MTHFD1L: variants seen among roughly 807,000 people sequenced by gnomAD.
MTHFD1L encodes methylenetetrahydrofolate dehydrogenase (NADP+ dependent) 1 like, also known as monofunctional C1-tetrahydrofolate synthase, mitochondrial.
A neutral mutation model predicts 119.5 loss-of-function variants in MTHFD1L; 81 were observed. That is an observed-to-expected ratio of 0.68 (90% CI 0.57 to 0.82). MTHFD1L has a LOEUF of 0.82. Ranked by LOEUF, MTHFD1L falls within the 40% of genes least tolerant of loss-of-function variation. The pLI, the probability that MTHFD1L is intolerant of heterozygous loss-of-function variation, is 0.00. For missense variants in MTHFD1L, 1,125 were observed against 1,253.4 expected (o/e 0.90, Z 1.55); for synonymous variants, 430 against 475.2 (o/e 0.90, Z 1.24).
chr6:150,991,229 G>T (rs115147397), intron 20 of MTHFD1L, among the ~76,000 whole-genome samples: 1,727 of 151,664 alleles, frequency 0.011, 31 homozygotes, highest in African/African-American at 0.04. Context: ...ACTTTTTAGT[G>T]TGCAAATTAA....
At chr6:150,890,491 A>T (rs897306666) in intron 7 of MTHFD1L, among the ~76,000 whole-genome samples, 1 of 152,096 alleles carries the variant, frequency 6.6e-6, no homozygotes, top group Non-Finnish European at 1.5e-5. Flanking sequence ...TTGAGAGGAC[A>T]GTATCCCTCC....
chr6:150,872,783 A>C (rs1165386555), intron 1 of MTHFD1L, among the ~76,000 whole-genome samples: 1 of 151,518 alleles, frequency 6.6e-6, no homozygotes, highest in Non-Finnish European at 1.5e-5. Context: ...ACAAAAAATG[A>C]TGTATGCCTG....
chr6:150,879,052 A>G (rs1409933573), intron 4 of MTHFD1L, among the ~76,000 whole-genome samples: 1 of 152,176 alleles, frequency 6.6e-6, no homozygotes, highest in Admixed American at 6.5e-5. Context: ...TGGGAAGTGT[A>G]GTTTTTATAC....
intron 17 of MTHFD1L, chr6:150,959,169 C>A: frequency 1.0e-6 from 1 of 983,256 alleles, no homozygotes; most frequent in African/African-American, 1.7e-5. Flanking sequence ...AATATTTTTT[C>A]ACTAAATCAG....
At chr6:150,956,146 C>T in intron 17 of MTHFD1L, 75 bp downstream of exon 17, 3 of 1,437,890 alleles carry the variant, frequency 2.1e-6, no homozygotes, top group South Asian at 2.3e-5. Flanking sequence ...TCACTCTTTG[C>T]CTTTCTTGTC....
chr6:150,902,551 C>G (rs1785237487), intron 7 of MTHFD1L, among the ~76,000 whole-genome samples: 1 of 152,148 alleles, frequency 6.6e-6, no homozygotes, highest in Non-Finnish European at 1.5e-5. Context: ...CCTGGGCAGG[C>G]TATTTACTGA....
chr6:150,906,311 G>A (rs538128232), intron 8 of MTHFD1L, among the ~76,000 whole-genome samples: 1 of 152,186 alleles, frequency 6.6e-6, no homozygotes, highest in African/African-American at 2.4e-5. Context: ...CCTGCTATTT[G>A]ATGGCATTTT....
At chr6:150,871,830 T>G (rs1765951879) in intron 1 of MTHFD1L, among the ~76,000 whole-genome samples, 1 of 150,626 alleles carries the variant, frequency 6.6e-6, no homozygotes. Context: ...AATCCTTTGT[T>G]GTCATTTTAT....
intron 8 of MTHFD1L, among the ~76,000 whole-genome samples, chr6:150,911,874 C>A (rs1269866322): frequency 6.6e-6 from 1 of 152,090 alleles, no homozygotes; most frequent in Admixed American, 6.6e-5. Flanking sequence ...GTATTTACTA[C>A]CATGAGAAGA....
At chr6:150,931,917 T>C (rs970933461) in intron 11 of MTHFD1L, among the ~76,000 whole-genome samples, 3 of 152,102 alleles carry the variant, frequency 2.0e-5, no homozygotes, top group Non-Finnish European at 4.4e-5. Flanking sequence ...ATGCCAGCCC[T>C]TTGGGAGGCC....
chr6:150,881,158 T>C (rs1781335092), intron 4 of MTHFD1L, among the ~76,000 whole-genome samples: 1 of 152,226 alleles, frequency 6.6e-6, no homozygotes, highest in Non-Finnish European at 1.5e-5. Flanking sequence ...AAAAAAACCT[T>C]GTCCAGACCA....
intron 20 of MTHFD1L, among the ~76,000 whole-genome samples, chr6:150,981,627 G>A (rs1197571492): frequency 6.6e-6 from 1 of 152,180 alleles, no homozygotes; most frequent in East Asian, 1.9e-4. Context: ...TCTGTCCCAA[G>A]TACTCAATTT....
chr6:151,024,829 T>C (rs979327578), intron 24 of MTHFD1L, among the ~76,000 whole-genome samples: 9 of 152,118 alleles, frequency 5.9e-5, no homozygotes, highest in African/African-American at 2.2e-4. Flanking sequence ...TTTGTGTGTG[T>C]TTGTTTTGGG....
chr6:150,902,655 A>G (rs1562347617), intron 7 of MTHFD1L, among the ~76,000 whole-genome samples: 1 of 152,188 alleles, frequency 6.6e-6, no homozygotes, highest in Non-Finnish European at 1.5e-5. Flanking sequence ...TCTCTGTGGA[A>G]TTAGCTGTTC....
intron 7 of MTHFD1L, among the ~76,000 whole-genome samples, chr6:150,888,923 C>T (rs1782756025): frequency 1.3e-5 from 2 of 152,160 alleles, no homozygotes; most frequent in Admixed American, 1.3e-4. Context: ...GCCTGTAATC[C>T]CAGCACTCTG....
rs146983079 is a variant in MTHFD1L, at chr6:151,101,328, T to G, written c.*32-198T>G. Among the ~76,000 whole-genome samples the G allele has an allele frequency of 1.6e-3, 243 of 152,154 alleles. 3 individuals carry two copies. Among genetic ancestry groups the G allele is most frequent in the African/African-American group, 5.6e-3 (231 of 41,520 alleles). On this transcript the variant is annotated intron_variant, in intron 27 of 27. Coordinates refer to ENST00000367321, the MANE Select transcript of MTHFD1L (RefSeq NM_015440.5). ...CGTAGCTGTGCCTGCTCTTATAGAG[T>G]GGTGCAGACTCTGCTTCTCCACGTC...
chr6:151,025,309 G>T (rs1562557800), intron 24 of MTHFD1L, among the ~76,000 whole-genome samples: 1 of 152,244 alleles, frequency 6.6e-6, no homozygotes, highest in Non-Finnish European at 1.5e-5. Flanking sequence ...CCAAGGACAT[G>T]CTTTGTGTCA....
In MTHFD1L at chr6:151,058,790, T is replaced by C. The variant is rs528409521; in HGVS notation, c.2847+21673T>C. ...GGTTGTTTTTTACTGTTTTAACTTA[T>C]TTAATAGCATCTCATCAGTATTACA... On this transcript the variant is annotated intron_variant, in intron 26 of 27. Transcript: ENST00000367321. 5.3e-5 allele frequency among the ~76,000 whole-genome samples: 8 copies of C among 152,320 alleles called. No individual in the cohort carries two copies. In the South Asian group the frequency reaches 1.2e-3, roughly 24 times the overall value.
At chr6:151,081,514 A>T (rs990242047) in intron 26 of MTHFD1L, among the ~76,000 whole-genome samples, 2 of 121,092 alleles carry the variant, frequency 1.7e-5, no homozygotes, top group African/African-American at 2.9e-5. Flanking sequence ...AAAAAAAAAA[A>T]AAAAAAAAAT....
Sources: gnomAD v4.1 joint callset for allele counts (sites outside exome capture counted in the v4.1 genomes callset) on GRCh38, gnomAD v4.1.1 for gene constraint, MANE v1.5 for transcripts, NCBI Gene and HGNC (gene_info 2026-07-23, HGNC 2026-07-21) for gene names.